Variants in GRIP1 observed in about 807,000 individuals in gnomAD.
GRIP1 encodes glutamate receptor-interacting protein 1.
In GRIP1, 45 loss-of-function variants were observed where a neutral mutation model predicts 129.9. The ratio of observed to expected loss-of-function variants is 0.35; its 90% CI spans 0.27 to 0.44. GRIP1 has a LOEUF of 0.44. Ranked by LOEUF, GRIP1 falls within the 20% of genes least tolerant of loss-of-function variation. GRIP1 has a pLI of 1.00. For missense variants in GRIP1, 1,196 were observed against 1,396.8 expected (o/e 0.86, Z 2.29); for synonymous variants, 530 against 520.8 (o/e 1.02, Z -0.24).
At chr12:66,467,578 T>A (rs1053628475) in intron 7 of GRIP1, among the ~76,000 whole-genome samples, 1 of 152,198 alleles carries the variant, frequency 6.6e-6, no homozygotes, top group Non-Finnish European at 1.5e-5. Flanking sequence ...GCAGCCTCTG[T>A]TTTAGTTGTC....
intron 1 of GRIP1, among the ~76,000 whole-genome samples, chr12:66,642,593 C>T (rs186185979): frequency 9.2e-5 from 14 of 152,212 alleles, no homozygotes; most frequent in African/African-American, 3.4e-4. Context: ...TAGGAAGAAC[C>T]CTATGGATGC....
chr12:66,455,428 C>T lies in GRIP1; in HGVS notation c.1335G>A (p.Lys445=). 2 of 1,614,178 alleles carry T rather than the reference C, an allele frequency of 1.2e-6. No individual in the cohort carries two copies. The highest frequency in any genetic ancestry group is 1.7e-6 in the Non-Finnish European group (2 of 1,180,012). The change falls in exon 11 of 25, where the codon AAG becomes AAA. Residue 445 remains lysine (K), a synonymous_variant. Transcript: ENST00000359742. ...ACTTACATGAGCTTTTGAAGTCTTTCTTTTTCAGTCTCCTCCTCATCATGG... is the reference window on the plus strand; with the variant it reads ...ACTTACATGAGCTTTTGAAGTCTTTTTTTTTCAGTCTCCTCCTCATCATGG... ...RGTMMRRRLK[K]KDFKSSLSLA... is the part of the protein sequence containing the mutation.
intron 13 of GRIP1, among the ~76,000 whole-genome samples, chr12:66,438,532 G>A (rs1164420256): frequency 2.4e-5 from 3 of 124,976 alleles, no homozygotes; most frequent in East Asian, 2.2e-4. Context: ...TTTTTGCTCT[G>A]TTGCCCAGGC....
chr12:66,401,609 T>TATATATATATATATATATATATACACAC (rs1169241331), intron 16 of GRIP1, among the ~76,000 whole-genome samples: 7 of 110,172 alleles, frequency 6.4e-5, no homozygotes, highest in African/African-American at 2.6e-4. Flanking sequence ...TATATATATA[T>TATATATATATATATATATATATACACAC]ACACACACAC....
intron 7 of GRIP1, among the ~76,000 whole-genome samples, chr12:66,473,239 A>G (rs2059493586): frequency 6.6e-6 from 1 of 152,186 alleles, no homozygotes; most frequent in Non-Finnish European, 1.5e-5. Context: ...AGGCCACTGC[A>G]GCTCGGCAAA....
At chr12:66,538,709 C>T (rs1431177815) in intron 4 of GRIP1, among the ~76,000 whole-genome samples, 1 of 151,904 alleles carries the variant, frequency 6.6e-6, no homozygotes, top group Admixed American at 6.6e-5. Flanking sequence ...CTCAAGCAAT[C>T]CTCCCACTTT....
intron 7 of GRIP1, among the ~76,000 whole-genome samples, chr12:66,472,594 G>A (rs572689557): frequency 2.6e-5 from 4 of 152,260 alleles, no homozygotes; most frequent in South Asian, 2.1e-4. Context: ...CACAGAAGGC[G>A]GGTGATTTCT....
At chr12:66,985,856 CT>C (rs1172470799) in intron 1 of GRIP1, among the ~76,000 whole-genome samples, 4 of 152,198 alleles carry the variant, frequency 2.6e-5, no homozygotes, top group African/African-American at 9.7e-5. Flanking sequence ...AACTCCATCA[CT>C]GTAATTCATG....
At position 67,018,064 on chromosome 12, in the gene GRIP1, T is replaced by C. The variant is rs543805389; in HGVS notation, c.58+50986A>G. Among the ~76,000 whole-genome samples the C allele has an allele frequency of 5.9e-5, 9 of 152,244 alleles. No individual in the cohort carries two copies. The South Asian group carries it at 8.3e-4, about 14-fold the overall frequency. ...GGATTTAAGTTTGGCCGAGGTGTGG[T>C]TGGTTGGTGTCCTCTGTCGTCCTGG... On this transcript the variant is annotated intron_variant, in intron 1 of 1. Transcript: ENST00000643019.
intron 1 of GRIP1, among the ~76,000 whole-genome samples, chr12:66,927,126 A>G (rs1266489071): frequency 2.0e-5 from 3 of 152,154 alleles, no homozygotes; most frequent in Non-Finnish European, 4.4e-5. Context: ...ACTTGTCTAT[A>G]CCCTCCAGGT....
intron 13 of GRIP1, among the ~76,000 whole-genome samples, chr12:66,435,330 G>C (rs2058270691): frequency 6.6e-6 from 1 of 151,250 alleles, no homozygotes. Flanking sequence ...AGTCTCCCAA[G>C]TAGCTAGAAC....
intron 1 of GRIP1, among the ~76,000 whole-genome samples, chr12:66,854,489 G>GTT (rs1231198083): frequency 1.3e-3 from 195 of 151,988 alleles, no homozygotes; most frequent in Non-Finnish European, 2.5e-3. Flanking sequence ...TGTGGAGGGG[G>GTT]GCTTTGCTGG....
At chr12:66,461,732 T>C (rs1464250624) in intron 9 of GRIP1, among the ~76,000 whole-genome samples, 1 of 152,186 alleles carries the variant, frequency 6.6e-6, no homozygotes. Context: ...TGGTCCCTCT[T>C]TCCCCCCGCC....
chr12:66,514,714 A>T (rs1441041129), intron 7 of GRIP1, among the ~76,000 whole-genome samples: 1 of 152,100 alleles, frequency 6.6e-6, no homozygotes, highest in East Asian at 1.9e-4. Flanking sequence ...TAGTCTCCAG[A>T]CATTTCAGGC....
chr12:67,052,113 T>C (rs914851748), intron 1 of GRIP1, among the ~76,000 whole-genome samples: 3 of 152,232 alleles, frequency 2.0e-5, no homozygotes, highest in African/African-American at 7.2e-5. Flanking sequence ...AGGCCTTAAG[T>C]CTGACACAGA....
At chr12:66,689,159 C>T (rs2034888775) in intron 1 of GRIP1, among the ~76,000 whole-genome samples, 1 of 152,144 alleles carries the variant, frequency 6.6e-6, no homozygotes, top group African/African-American at 2.4e-5. Context: ...TCCAGTTTCC[C>T]ATCAAAAGAC....
chr12:66,522,544 T>A (rs2061054320), intron 5 of GRIP1, among the ~76,000 whole-genome samples: 1 of 152,068 alleles, frequency 6.6e-6, no homozygotes, highest in African/African-American at 2.4e-5. Context: ...TACGTCACCA[T>A]CATCAAAGAC....
chr12:66,527,615 G>C (rs1217558447), intron 5 of GRIP1, among the ~76,000 whole-genome samples: 2 of 152,008 alleles, frequency 1.3e-5, no homozygotes, highest in African/African-American at 2.4e-5. Context: ...CATGGCACAT[G>C]TATACATATG....
chr12:66,606,391 G>A (rs1460662316), intron 1 of GRIP1, among the ~76,000 whole-genome samples: 1 of 151,968 alleles, frequency 6.6e-6, no homozygotes, highest in East Asian at 1.9e-4. Flanking sequence ...CAATCCCACT[G>A]GTTTCCTCTA....
Sources: gnomAD v4.1 joint callset for allele counts (sites outside exome capture counted in the v4.1 genomes callset) on GRCh38, gnomAD v4.1.1 for gene constraint, MANE v1.5 for transcripts, NCBI Gene and HGNC (gene_info 2026-07-23, HGNC 2026-07-21) for gene names.